AGPS: variants seen among roughly 807,000 people sequenced by gnomAD.
AGPS encodes the protein alkyldihydroxyacetonephosphate synthase, peroxisomal.
Under a neutral mutation model 90.7 loss-of-function variants are expected in AGPS, and 26 were observed. That is an observed-to-expected ratio of 0.29 (90% CI 0.21 to 0.40). The LOEUF is 0.40. AGPS is among the 10% of genes least tolerant of loss of function. AGPS has a pLI of 1.00. For synonymous variants in AGPS, 294 were observed against 285.3 expected (o/e 1.03, Z -0.31); for missense variants, 540 against 816.1 (o/e 0.66, Z 4.12).
At chr2:177,416,926 G>C (rs557532404) in intron 1 of AGPS, among the ~76,000 whole-genome samples, 4 of 152,244 alleles carry the variant, frequency 2.6e-5, no homozygotes, top group African/African-American at 9.6e-5. Flanking sequence ...GGGGTTAGTT[G>C]AGAATTGGAT....
At chr2:177,403,764 G>A (rs1235857615) in intron 1 of AGPS, among the ~76,000 whole-genome samples, 1 of 152,128 alleles carries the variant, frequency 6.6e-6, no homozygotes, top group Non-Finnish European at 1.5e-5. Context: ...TCACTGTCTT[G>A]TGTATACCTT....
At chr2:177,451,682 G>A (rs964625466) in intron 8 of AGPS, among the ~76,000 whole-genome samples, 1 of 152,102 alleles carries the variant, frequency 6.6e-6, no homozygotes, top group African/African-American at 2.4e-5. Flanking sequence ...AGTTGAAGAA[G>A]TCCCTTTCTT....
chr2:177,457,919 C>T (rs1275807348), intron 8 of AGPS, among the ~76,000 whole-genome samples: 2 of 152,140 alleles, frequency 1.3e-5, no homozygotes, highest in South Asian at 2.1e-4. Context: ...CGATGAACAT[C>T]GATGCGAAAA....
chr2:177,466,407 C>T (rs932413197), intron 9 of AGPS, among the ~76,000 whole-genome samples: 43 of 152,226 alleles, frequency 2.8e-4, no homozygotes, highest in African/African-American at 9.2e-4. Context: ...CACTCCAGTC[C>T]GTGGAACTGG....
intron 19 of AGPS, among the ~76,000 whole-genome samples, chr2:177,525,340 A>G (rs1040139353): frequency 6.6e-6 from 1 of 152,184 alleles, no homozygotes; most frequent in Non-Finnish European, 1.5e-5. Context: ...ACTTTAATAT[A>G]TATAAATATA....
intron 19 of AGPS, among the ~76,000 whole-genome samples, chr2:177,527,112 A>T (rs1164109807): frequency 1.1e-4 from 17 of 152,206 alleles, no homozygotes; most frequent in Admixed American, 1.1e-3. Context: ...CTTTGAGAAG[A>T]GACATGTAAT....
intron 19 of AGPS, among the ~76,000 whole-genome samples, chr2:177,532,160 C>G (rs1486297833): frequency 6.6e-6 from 1 of 151,960 alleles, no homozygotes; most frequent in Non-Finnish European, 1.5e-5. Flanking sequence ...CTATGAAGGA[C>G]TCTGTTAGGA....
At chr2:177,487,134 G>A (rs1669352508) in intron 11 of AGPS, among the ~76,000 whole-genome samples, 1 of 151,952 alleles carries the variant, frequency 6.6e-6, no homozygotes, top group African/African-American at 2.4e-5. Flanking sequence ...GTCTTTACAA[G>A]GTTAAAAGGA....
chr2:177,452,364 G>A (rs929828541), intron 8 of AGPS, among the ~76,000 whole-genome samples: 2 of 152,132 alleles, frequency 1.3e-5, no homozygotes, highest in Non-Finnish European at 2.9e-5. Context: ...CGGTTATTAG[G>A]AGGATAAATG....
intron 9 of AGPS, among the ~76,000 whole-genome samples, chr2:177,462,841 A>G (rs1687341268): frequency 1.3e-5 from 2 of 152,318 alleles, no homozygotes; most frequent in South Asian, 4.1e-4. Context: ...GGACTTGAGT[A>G]CTATGGATTT....
intron 10 of AGPS, among the ~76,000 whole-genome samples, chr2:177,471,114 T>C (rs1400929236): frequency 1.3e-5 from 2 of 152,172 alleles, no homozygotes; most frequent in African/African-American, 2.4e-5. Context: ...TAGAGTTATT[T>C]TAATATAGGC....
At chr2:177,529,427 A>G (rs2079117725) in intron 19 of AGPS, among the ~76,000 whole-genome samples, 1 of 152,160 alleles carries the variant, frequency 6.6e-6, no homozygotes, top group Non-Finnish European at 1.5e-5. Context: ...CTGGCATCGC[A>G]CCACTGCACT....
At chr2:177,403,254 A>G (rs542529468) in intron 1 of AGPS, among the ~76,000 whole-genome samples, 8 of 152,192 alleles carry the variant, frequency 5.3e-5, no homozygotes, top group Non-Finnish European at 1.0e-4. Context: ...GGTGACTACT[A>G]CAACAATGGA....
At chr2:177,532,060 G>A (rs2079142930) in intron 19 of AGPS, among the ~76,000 whole-genome samples, 1 of 152,016 alleles carries the variant, frequency 6.6e-6, no homozygotes, top group African/African-American at 2.4e-5. Context: ...AGGATCTAGA[G>A]CCAGGCAAAG....
At chr2:177,520,944 A>G (rs1689167129) in intron 17 of AGPS, among the ~76,000 whole-genome samples, 5 of 152,336 alleles carry the variant, frequency 3.3e-5, no homozygotes, top group Admixed American at 2.0e-4. Flanking sequence ...TACAATGTAT[A>G]AAAGTTTTTG....
At chr2:177,481,766 A>G (rs538114217) in intron 10 of AGPS, among the ~76,000 whole-genome samples, 6 of 152,042 alleles carry the variant, frequency 3.9e-5, no homozygotes, top group Non-Finnish European at 8.8e-5. Flanking sequence ...ATAAGTTGTA[A>G]TACTTTAAAA....
chr2:177,537,013 T>C (rs1010759538), intron 19 of AGPS, among the ~76,000 whole-genome samples: 27 of 152,186 alleles, frequency 1.8e-4, no homozygotes, highest in South Asian at 2.1e-4. Context: ...ATTAAATCAC[T>C]GTTGATGACT....
At chr2:177,434,777 C>A (rs6758141) in intron 3 of AGPS, among the ~76,000 whole-genome samples, 4,128 of 151,586 alleles carry the variant, frequency 0.027, 200 homozygotes, top group African/African-American at 0.095. Context: ...ATATAAGTTG[C>A]TATCATGTTT....
chr2:177,475,358 A>G (rs564156064), intron 10 of AGPS, among the ~76,000 whole-genome samples: 1 of 152,316 alleles, frequency 6.6e-6, no homozygotes, highest in African/African-American at 2.4e-5. Flanking sequence ...ACAGCATAGT[A>G]CTAATAGGTA....
Sources: allele counts gnomAD v4.1 joint callset (sites outside exome capture counted in the v4.1 genomes callset), GRCh38; gene constraint gnomAD v4.1.1; transcripts MANE v1.5; gene names NCBI Gene and HGNC (gene_info 2026-07-23, HGNC 2026-07-21).